CHRM3: variants seen among roughly 807,000 people sequenced by gnomAD.
CHRM3 encodes the protein cholinergic receptor muscarinic 3, also known as muscarinic acetylcholine receptor M3.
CHRM3 carries 11 observed loss-of-function variants against 41.8 expected under a neutral mutation model. The ratio of observed to expected loss-of-function variants is 0.26; its 90% CI spans 0.17 to 0.44. CHRM3 has a LOEUF of 0.44. Among genes scored for constraint, CHRM3 ranks in the 20% least tolerant of loss-of-function variants. The probability of loss-of-function intolerance (pLI) is 1.00; values close to 1 mark genes in which losing one functional copy is unlikely to be tolerated. For missense variants in CHRM3, 571 were observed against 745.4 expected, an observed-to-expected ratio of 0.77 and a Z score of 2.72; for synonymous variants, 297 against 301.4, an observed-to-expected ratio of 0.99 and a Z score of 0.15.
At position 239,816,215 on chromosome 1, in the gene CHRM3, C is replaced by T. The variant is rs540935740; in HGVS notation, c.-146-11037C>T. Among the ~76,000 whole-genome samples, 7 of 152,222 alleles carry T rather than the reference C, an allele frequency of 4.6e-5. No individual in the cohort carries two copies. In the South Asian group the frequency reaches 1.2e-3, roughly 27 times the overall value. Reference sequence around the variant, plus strand: ...AGAATGCAGAGAAGGCGGTGCTTTGCGATTGATGGCTGCTGCTGCCCCTCC... The same window carrying T: ...AGAATGCAGAGAAGGCGGTGCTTTGTGATTGATGGCTGCTGCTGCCCCTCC... On this transcript the variant is annotated intron_variant, in intron 5 of 6. Transcript: ENST00000676153.
At chr1:239,461,463 T>C (rs1466235471) in intron 1 of CHRM3, among the ~76,000 whole-genome samples, 1 of 152,092 alleles carries the variant, frequency 6.6e-6, no homozygotes, top group Non-Finnish European at 1.5e-5. Context: ...TCAAATTACA[T>C]TGTGGGACAA....
intron 2 of CHRM3, among the ~76,000 whole-genome samples, chr1:239,494,471 C>A (rs1667754719): frequency 6.6e-6 from 1 of 152,112 alleles, no homozygotes; most frequent in Non-Finnish European, 1.5e-5. Flanking sequence ...TAAAAAAACA[C>A]CTAAACCTAA....
intron 1 of CHRM3, among the ~76,000 whole-genome samples, chr1:239,439,365 A>T (rs2059174296): frequency 6.6e-6 from 1 of 152,188 alleles, no homozygotes; most frequent in Admixed American, 6.5e-5. Flanking sequence ...TACTCATGGG[A>T]AAATGTGAAT....
At chr1:239,801,212 T>A (rs1670187024) in intron 5 of CHRM3, among the ~76,000 whole-genome samples, 1 of 152,184 alleles carries the variant, frequency 6.6e-6, no homozygotes, top group South Asian at 2.1e-4. Flanking sequence ...TGATCCAATT[T>A]TGGATTTGAG....
chr1:239,451,485 G>A (rs72754691), intron 1 of CHRM3, among the ~76,000 whole-genome samples: 239 of 152,216 alleles, frequency 1.6e-3, no homozygotes, highest in Non-Finnish European at 2.7e-3. Flanking sequence ...TTGCCATGGA[G>A]GGGCCACTTC....
chr1:239,578,389 G>A (rs945294086), intron 3 of CHRM3, among the ~76,000 whole-genome samples: 3 of 152,006 alleles, frequency 2.0e-5, no homozygotes, highest in African/African-American at 7.2e-5. Flanking sequence ...ATACCACTTT[G>A]TTCAGAAAAA....
At position 239,913,833 on chromosome 1, in the gene CHRM3, C is replaced by T. The variant is rs1044426725; in HGVS notation, c.*4609C>T. 2 of 167,186 alleles carry T rather than the reference C, an allele frequency of 1.2e-5. No homozygotes were observed. Among genetic ancestry groups the T allele is most frequent in the Admixed American group, 6.5e-5 (1 of 15,306 alleles). The allele number at this position is 167,186 out of a possible 1,614,324, so 10.4% of individuals were successfully genotyped here. On this transcript the variant is annotated 3_prime_UTR_variant, in exon 7 of 7. Transcript: ENST00000676153. ...GGCACACATCACGTTCACAGCTTCG[C>T]GCAGAGACGGATAGTGTATTTGGAT... is the stretch of plus-strand genomic sequence containing the variant.
At position 239,869,069 on chromosome 1, in the gene CHRM3, C is replaced by A. The variant is rs1267762563; in HGVS notation, c.-19-38364C>A. Among the ~76,000 whole-genome samples the A allele has an allele frequency of 2.0e-5, 3 of 152,178 alleles. No individual in the cohort carries two copies. The East Asian group carries it at 5.8e-4, about 30-fold the overall frequency. On this transcript the variant is annotated intron_variant, in intron 6 of 6. Transcript: ENST00000676153. Reference sequence around the variant, plus strand: ...AGGTTGGCTGCAGCCTAGCTTTCTGCCTGACGCCTAGAAACCCTGCACCCC... The same window carrying A: ...AGGTTGGCTGCAGCCTAGCTTTCTGACTGACGCCTAGAAACCCTGCACCCC...
intron 4 of CHRM3, among the ~76,000 whole-genome samples, chr1:239,640,686 A>G (rs958089748): frequency 2.9e-4 from 44 of 150,388 alleles, no homozygotes; most frequent in African/African-American, 1.0e-3. Context: ...CTAGCAGTCT[A>G]TCAATTTTGT....
chr1:239,811,969 G>T (rs542542), intron 5 of CHRM3, among the ~76,000 whole-genome samples: 149,454 of 152,318 alleles, frequency 0.98, 73,380 homozygotes, highest in East Asian at 1. Flanking sequence ...ATAAGTCAGT[G>T]TTTAATTCAT....
chr1:239,863,133 G>A (rs528893630), intron 6 of CHRM3, among the ~76,000 whole-genome samples: 1 of 152,292 alleles, frequency 6.6e-6, no homozygotes, highest in African/African-American at 2.4e-5. Flanking sequence ...GGCCTGTTTA[G>A]CTCCAAGCTC....
intron 3 of CHRM3, among the ~76,000 whole-genome samples, chr1:239,549,908 T>C (rs911523278): frequency 2.0e-5 from 3 of 151,768 alleles, no homozygotes; most frequent in Non-Finnish European, 2.9e-5. Context: ...ACTTTACATA[T>C]AACATGGTAA....
intron 2 of CHRM3, among the ~76,000 whole-genome samples, chr1:239,524,081 A>T (rs1308481778): frequency 6.6e-6 from 1 of 152,124 alleles, no homozygotes; most frequent in Non-Finnish European, 1.5e-5. Context: ...CCTACCAAAA[A>T]CACTAAACCT....
At chr1:239,539,871 C>A (rs141550390) in intron 2 of CHRM3, among the ~76,000 whole-genome samples, 1 of 152,312 alleles carries the variant, frequency 6.6e-6, no homozygotes, top group Non-Finnish European at 1.5e-5. Flanking sequence ...CCTGCCTGAG[C>A]CTCCCAAAAT....
chr1:239,651,990 T>G (rs1454355467), intron 4 of CHRM3, among the ~76,000 whole-genome samples: 1 of 149,796 alleles, frequency 6.7e-6, no homozygotes, highest in Non-Finnish European at 1.5e-5. Context: ...TTTTTGTTTT[T>G]TTTTTTTTTT....
intron 6 of CHRM3, among the ~76,000 whole-genome samples, chr1:239,836,963 G>T (rs1182186366): frequency 4.8e-5 from 7 of 145,264 alleles, no homozygotes; most frequent in Non-Finnish European, 7.4e-5. Context: ...AACAGAGCAA[G>T]ACTCTGTCTT....
chr1:239,879,836 C>T (rs1189736935), intron 6 of CHRM3, among the ~76,000 whole-genome samples: 1 of 152,214 alleles, frequency 6.6e-6, no homozygotes, highest in Non-Finnish European at 1.5e-5. Context: ...TCTCCCTCCC[C>T]AGCTACAATG....
intron 5 of CHRM3, among the ~76,000 whole-genome samples, chr1:239,690,512 A>G (rs1659613552): frequency 6.6e-6 from 1 of 152,086 alleles, no homozygotes; most frequent in Non-Finnish European, 1.5e-5. Context: ...TACAGGTGTA[A>G]GCCACTGCAC....
chr1:239,768,323 G>A (rs1210632831), intron 5 of CHRM3, among the ~76,000 whole-genome samples: 2 of 152,110 alleles, frequency 1.3e-5, no homozygotes, highest in Non-Finnish European at 2.9e-5. Context: ...TTTTTGGGGG[G>A]AAAACACTAG....
Sources: gnomAD v4.1 joint callset for allele counts (sites outside exome capture counted in the v4.1 genomes callset) on GRCh38, gnomAD v4.1.1 for gene constraint, MANE v1.5 for transcripts, NCBI Gene and HGNC (gene_info 2026-07-23, HGNC 2026-07-21) for gene names.